Variants in CHODL observed in about 807,000 individuals in gnomAD.
CHODL encodes transmembrane protein MT75.
A neutral mutation model predicts 34.5 loss-of-function variants in CHODL; 29 were observed. The ratio of observed to expected loss-of-function variants is 0.84; its 90% CI spans 0.63 to 1.15. CHODL has a LOEUF of 1.15. Among genes scored for constraint, CHODL ranks in the 50% most tolerant of loss-of-function variants. The pLI, the probability that CHODL is intolerant of heterozygous loss-of-function variation, is 0.00. For missense variants in CHODL, 332 were observed against 332.5 expected (o/e 1.00, Z 0.01); for synonymous variants, 125 against 116.1 (o/e 1.08, Z -0.49).
intron 2 of CHODL, chr21:18,134,184 T>G: frequency 2.5e-6 from 1 of 401,640 alleles, no homozygotes; most frequent in Non-Finnish European, 5.0e-6. Context: ...AATCTTTCAG[T>G]GATTCTTCAG....
intron 2 of CHODL, among the ~76,000 whole-genome samples, chr21:18,238,523 G>A (rs965900792): frequency 2.0e-5 from 3 of 152,160 alleles, no homozygotes; most frequent in South Asian, 2.1e-4. Context: ...CACAACATGC[G>A]GGAATTATGG....
intron 2 of CHODL, among the ~76,000 whole-genome samples, chr21:18,193,128 G>A (rs765247002): frequency 6.6e-6 from 1 of 152,058 alleles, no homozygotes; most frequent in Non-Finnish European, 1.5e-5. Context: ...ATACTGACTA[G>A]CATTAGAATT....
chr21:18,144,521 C>A (rs963286408), intron 2 of CHODL, among the ~76,000 whole-genome samples: 3 of 152,134 alleles, frequency 2.0e-5, no homozygotes, highest in African/African-American at 4.8e-5. Flanking sequence ...TCATGCAAAG[C>A]AATTTCAGTA....
At chr21:18,082,089 C>G (rs549737224) in intron 2 of CHODL, among the ~76,000 whole-genome samples, 1 of 152,292 alleles carries the variant, frequency 6.6e-6, no homozygotes, top group South Asian at 2.1e-4. Flanking sequence ...CAGGGAAGGG[C>G]CCTGGTGGGA....
chr21:18,004,565 C>A (rs933522680), intron 1 of CHODL, among the ~76,000 whole-genome samples: 2 of 152,188 alleles, frequency 1.3e-5, no homozygotes, highest in African/African-American at 4.8e-5. Flanking sequence ...CAAATGAGGA[C>A]AATTCAATTT....
chr21:18,154,876 C>G (rs913792975), intron 2 of CHODL, among the ~76,000 whole-genome samples: 3 of 152,056 alleles, frequency 2.0e-5, no homozygotes, highest in Non-Finnish European at 4.4e-5. Context: ...GAGAAAATTT[C>G]AAGTCTGTAT....
At chr21:17,998,915 C>T (rs983552117) in intron 1 of CHODL, among the ~76,000 whole-genome samples, 2 of 152,196 alleles carry the variant, frequency 1.3e-5, no homozygotes, top group African/African-American at 4.8e-5. Flanking sequence ...ACATTAGGCT[C>T]CTTGCTACTT....
intron 1 of CHODL, among the ~76,000 whole-genome samples, chr21:17,936,721 G>A (rs891896390): frequency 1.1e-4 from 17 of 152,200 alleles, no homozygotes; most frequent in African/African-American, 3.9e-4. Context: ...GAAGGGATGT[G>A]ACTGAGAACA....
intron 2 of CHODL, among the ~76,000 whole-genome samples, chr21:18,095,569 C>T (rs1044962476): frequency 3.9e-5 from 6 of 152,058 alleles, no homozygotes; most frequent in Non-Finnish European, 7.4e-5. Context: ...TGAATCCTAT[C>T]AAACATTTAA....
intron 2 of CHODL, among the ~76,000 whole-genome samples, chr21:18,186,800 C>A (rs966090744): frequency 1.3e-5 from 2 of 152,086 alleles, no homozygotes; most frequent in Non-Finnish European, 2.9e-5. Flanking sequence ...CACCTTCTAC[C>A]TGGTGGATAT....
chr21:18,036,829 C>G (rs2064317055), intron 2 of CHODL, among the ~76,000 whole-genome samples: 1 of 151,840 alleles, frequency 6.6e-6, no homozygotes, highest in African/African-American at 2.4e-5. Context: ...CTAATATTAG[C>G]CAGGAAACTG....
At position 18,008,128 on chromosome 21, in the gene CHODL, A is replaced by G. The variant is rs138725278; in HGVS notation, c.-144-19744A>G. 6.1e-3 allele frequency among the ~76,000 whole-genome samples: 928 copies of G among 152,142 alleles called. 10 individuals are homozygous for G. Among genetic ancestry groups the G allele is most frequent in the African/African-American group, 0.021 (882 of 41,518 alleles). ...ACTTTTTTTTTACTGTGGTGAATTT[A>G]TTTAAATATTTTTCTTCTTTTTTTT... On this transcript the variant is annotated intron_variant, in intron 1 of 6. Transcript: ENST00000400127.
chr21:18,154,913 T>C (rs74816780), intron 2 of CHODL, among the ~76,000 whole-genome samples: 6 of 152,236 alleles, frequency 3.9e-5, no homozygotes, highest in Non-Finnish European at 8.8e-5. Flanking sequence ...GTAGAGATCG[T>C]ATCTGGGAAG....
chr21:18,131,831 T>G (rs1334873915), intron 2 of CHODL, among the ~76,000 whole-genome samples: 1 of 152,146 alleles, frequency 6.6e-6, no homozygotes, highest in Non-Finnish European at 1.5e-5. Flanking sequence ...CTGCTCTTCT[T>G]TTTTTAAACC....
intron 2 of CHODL, among the ~76,000 whole-genome samples, chr21:18,181,656 C>G (rs1035093389): frequency 6.6e-6 from 1 of 152,186 alleles, no homozygotes; most frequent in Admixed American, 6.5e-5. Context: ...TCCCAAAGTG[C>G]TAGGATTACA....
intron 1 of CHODL, among the ~76,000 whole-genome samples, chr21:18,253,818 C>T (rs1568959084): frequency 6.6e-6 from 1 of 152,078 alleles, no homozygotes; most frequent in Non-Finnish European, 1.5e-5. Flanking sequence ...ACAATTTGGG[C>T]AGCCTGTTAA....
chr21:18,093,328 G>C (rs550244297), intron 2 of CHODL, among the ~76,000 whole-genome samples: 1 of 152,232 alleles, frequency 6.6e-6, no homozygotes, highest in East Asian at 1.9e-4. Context: ...TGTCCTACAA[G>C]AAATCTAAAG....
intron 2 of CHODL, among the ~76,000 whole-genome samples, chr21:18,064,237 T>C (rs1165774333): frequency 2.0e-5 from 3 of 150,278 alleles, no homozygotes; most frequent in Non-Finnish European, 4.5e-5. Flanking sequence ...TTCAATTGTG[T>C]CATACCCATG....
intron 1 of CHODL, among the ~76,000 whole-genome samples, chr21:18,018,093 C>T (rs933702682): frequency 2.0e-5 from 3 of 152,214 alleles, no homozygotes; most frequent in Non-Finnish European, 2.9e-5. Context: ...TGTACCCACA[C>T]TGTATCTTGG....
Sources: allele counts gnomAD v4.1 joint callset (sites outside exome capture counted in the v4.1 genomes callset), GRCh38; gene constraint gnomAD v4.1.1; transcripts MANE v1.5; gene names NCBI Gene and HGNC (gene_info 2026-07-23, HGNC 2026-07-21).